Variants in PGGT1B observed in about 807,000 individuals in gnomAD.
PGGT1B encodes protein geranylgeranyltransferase type I subunit beta, also known as geranylgeranyl transferase type-1 subunit beta.
PGGT1B carries 30 observed loss-of-function variants against 46.1 expected under a neutral mutation model. That is an observed-to-expected ratio of 0.65 (90% CI 0.49 to 0.88). The LOEUF (loss-of-function observed/expected upper bound fraction) is 0.88, where lower values mean the gene tolerates loss of function less well. Ranked by LOEUF, PGGT1B falls within the 40% of genes least tolerant of loss-of-function variation. The pLI is 0.00. For synonymous variants in PGGT1B, 170 were observed against 160.0 expected (o/e 1.06, Z -0.47); for missense variants, 376 against 455.9 (o/e 0.82, Z 1.60).
intron 6 of PGGT1B, among the ~76,000 whole-genome samples, chr5:115,222,684 A>T (rs1297276523): frequency 6.6e-6 from 1 of 152,246 alleles, no homozygotes; most frequent in Admixed American, 6.5e-5. Flanking sequence ...ACATATGTTT[A>T]TTGTGGCACT....
chr5:115,262,321 T>G (rs951360561), intron 1 of PGGT1B, among the ~76,000 whole-genome samples: 1 of 152,058 alleles, frequency 6.6e-6, no homozygotes, highest in African/African-American at 2.4e-5. Flanking sequence ...CTATTAAGAG[T>G]TAATGACTTT....
rs757422959 is a variant in PGGT1B at position 115,262,858 on chromosome 5, C to T, written c.-7G>A. Reference sequence around the variant, plus strand: ...CATCCTCAGTGGCCGCCATGCTGCTCCGGAAGCGACGTCCGCCGCGACCCG... The same window carrying T: ...CATCCTCAGTGGCCGCCATGCTGCTTCGGAAGCGACGTCCGCCGCGACCCG... On this transcript the variant is annotated 5_prime_UTR_variant, in exon 1 of 9. Transcript: ENST00000419445. 14 of 1,611,562 alleles carry T rather than the reference C, an allele frequency of 8.7e-6. No individual in the cohort carries two copies. The South Asian group carries it at 9.9e-5, about 11-fold the overall frequency.
intron 8 of PGGT1B, among the ~76,000 whole-genome samples, 186 bp from the exon 9 acceptor site, chr5:115,212,769 A>G (rs748272687): frequency 6.6e-6 from 1 of 152,188 alleles, no homozygotes; most frequent in Non-Finnish European, 1.5e-5. Flanking sequence ...AACTCAGATG[A>G]TCAAAATAAA....
chr5:115,241,495 T>C, intron 3 of PGGT1B, 44 bp downstream of exon 3: 2 of 1,179,470 alleles, frequency 1.7e-6, no homozygotes, highest in Non-Finnish European at 2.4e-6. Context: ...TATTAAAATA[T>C]CCCTACATCC....
rs1423207098 is a variant in PGGT1B at position 115,230,971 on chromosome 5, C to T, written c.658+5G>A. The T allele has an allele frequency of 6.4e-7, 1 of 1,552,902 alleles. No homozygotes were observed. Among genetic ancestry groups the T allele is most frequent in the East Asian group, 2.3e-5 (1 of 44,078 alleles). On this transcript the variant is annotated splice_donor_5th_base_variant and intron_variant, in intron 6 of 8. Transcript: ENST00000419445. ...CTACATGTTCACTTATTTAAGATGTCTTACCATGAGATTCAAGTCCAGCTC... is the reference window on the plus strand; with the variant it reads ...CTACATGTTCACTTATTTAAGATGTTTTACCATGAGATTCAAGTCCAGCTC...
At position 115,212,530 on chromosome 5, in the gene PGGT1B, C is replaced by T. The variant is rs1372006999; in HGVS notation, c.1006G>A (p.Gly336Arg). 1 of 1,613,416 alleles carries T rather than the reference C, an allele frequency of 6.2e-7. No homozygotes were observed. The highest frequency in any genetic ancestry group is 1.3e-5 in the African/African-American group (1 of 74,852). The change falls in exon 9 of 9, where the codon GGA becomes AGA. Residue 336 changes from glycine to arginine, a missense_variant. Physicochemically the swap from Gly to Arg is moderately radical, Grantham distance 125. This residue lies in a region of PGGT1B where 222 missense variants were observed against 313.6 expected (regional missense o/e 0.71). Transcript: ENST00000419445. ...AGAGCAGGATGAACTTTACAAATTC[C>T]ACTTTCCTCCATTAGTGACAGGCCA... ...ICGLSLMEESGICKVHPALNV... is the reference protein window; with the variant it reads ...ICGLSLMEESRICKVHPALNV...
rs77265726 is a variant in PGGT1B, at chr5:115,233,582, A to C, written c.613-2561T>G. ...AAGCAAATGCAAAATAATGGACTAG[A>C]ACTAGGGGTCAGCAATGGCCCAAAG... On this transcript the variant is annotated intron_variant, in intron 5 of 8. Coordinates refer to ENST00000419445, the MANE Select transcript of PGGT1B (RefSeq NM_005023.4). Among the ~76,000 whole-genome samples the C allele has an allele frequency of 2.7e-3, 415 of 151,680 alleles. 3 individuals are homozygous for C. The highest frequency in any genetic ancestry group is 9.7e-3 in the African/African-American group (402 of 41,452).
intron 6 of PGGT1B, among the ~76,000 whole-genome samples, chr5:115,227,026 G>A (rs1756809488): frequency 6.6e-6 from 1 of 152,104 alleles, no homozygotes; most frequent in Non-Finnish European, 1.5e-5. Context: ...ACATACAAAT[G>A]TTTGGAGAGT....
rs78664509 is a variant in PGGT1B, at chr5:115,251,343, T to A, written c.259+1794A>T. Among the ~76,000 whole-genome samples the A allele has an allele frequency of 1.5e-3, 221 of 152,232 alleles. 4 individuals carry two copies. The East Asian group carries it at 0.029, about 20-fold the overall frequency. ...ATGGATAATATGAAACTCCAGATAA[T>A]AGCAAATCTCTCACAAGATTAAATA... On this transcript the variant is annotated intron_variant, in intron 2 of 8. Coordinates refer to ENST00000419445, the MANE Select transcript of PGGT1B (RefSeq NM_005023.4).
intron 5 of PGGT1B, 118 bp downstream of exon 5, chr5:115,236,272 C>A: frequency 1.4e-6 from 1 of 720,292 alleles, no homozygotes; most frequent in Non-Finnish European, 2.3e-6. Context: ...TACCAAAAAG[C>A]AATCTTAATG....
chr5:115,235,302 GAA>G (rs1043469749), intron 5 of PGGT1B, among the ~76,000 whole-genome samples: 2 of 151,974 alleles, frequency 1.3e-5, no homozygotes, highest in Non-Finnish European at 2.9e-5. Flanking sequence ...AATGCAGAGA[GAA>G]AGTTTTTTTC....
chr5:115,221,055 G>A (rs1398425222), intron 7 of PGGT1B, among the ~76,000 whole-genome samples: 1 of 151,968 alleles, frequency 6.6e-6, no homozygotes, highest in African/African-American at 2.4e-5. Flanking sequence ...TACTACAAGT[G>A]AGGAGAGACA....
intron 1 of PGGT1B, among the ~76,000 whole-genome samples, 169 bp from the exon 2 acceptor site, chr5:115,253,424 C>T (rs1748187204): frequency 6.6e-6 from 1 of 151,986 alleles, no homozygotes; most frequent in East Asian, 1.9e-4. Flanking sequence ...TAACTTAATA[C>T]TATCAGTCAA....
chr5:115,262,519 C>T (rs1190886474), intron 1 of PGGT1B, 193 bp downstream of exon 1: 1 of 627,800 alleles, frequency 1.6e-6, no homozygotes, highest in Non-Finnish European at 2.8e-6. Context: ...CAGCCCTCGA[C>T]CTACAGCCTT....
At chr5:115,226,708 G>A (rs917042837) in intron 6 of PGGT1B, among the ~76,000 whole-genome samples, 1 of 151,956 alleles carries the variant, frequency 6.6e-6, no homozygotes, top group Non-Finnish European at 1.5e-5. Flanking sequence ...CATTGTACAA[G>A]GGCATATGGA....
chr5:115,215,842 T>C (rs1057384482), intron 8 of PGGT1B, among the ~76,000 whole-genome samples: 2 of 152,226 alleles, frequency 1.3e-5, no homozygotes, highest in Non-Finnish European at 2.9e-5. Flanking sequence ...TAGTTTCATA[T>C]TTGTAACTAA....
At chr5:115,254,152 T>C (rs921503673) in intron 1 of PGGT1B, among the ~76,000 whole-genome samples, 2 of 152,076 alleles carry the variant, frequency 1.3e-5, no homozygotes, top group South Asian at 2.1e-4. Context: ...TAGTTAAGCC[T>C]TAATGTCCTG....
intron 1 of PGGT1B, 78 bp from the exon 2 acceptor site, chr5:115,253,333 A>G: frequency 8.5e-7 from 1 of 1,170,914 alleles, no homozygotes; most frequent in Non-Finnish European, 1.2e-6. Flanking sequence ...TAGAAAAATA[A>G]TAAAATCATT....
chr5:115,260,204 A>C (rs1004881418), intron 1 of PGGT1B, among the ~76,000 whole-genome samples: 4 of 152,200 alleles, frequency 2.6e-5, no homozygotes, highest in African/African-American at 9.7e-5. Context: ...GGTCAGGCTA[A>C]AAGAAACAAG....
Sources: gnomAD v4.1 joint callset for allele counts (sites outside exome capture counted in the v4.1 genomes callset) on GRCh38, gnomAD v4.1.1 for gene constraint, gnomAD v4.1.1 regional missense constraint, MANE v1.5 for transcripts, NCBI Gene and HGNC (gene_info 2026-07-23, HGNC 2026-07-21) for gene names.